GLIS3: variants seen among roughly 807,000 people sequenced by gnomAD.
GLIS3 encodes the protein zinc finger protein GLIS3.
In GLIS3, 53 loss-of-function variants were observed where a neutral mutation model predicts 78.6. The ratio of observed to expected loss-of-function variants is 0.67; its 90% CI spans 0.54 to 0.85. GLIS3 has a LOEUF of 0.85. Ranked by LOEUF, GLIS3 falls within the 40% of genes least tolerant of loss-of-function variation. The probability of loss-of-function intolerance (pLI) is 0.00; values close to 1 mark genes in which losing one functional copy is unlikely to be tolerated. For synonymous variants in GLIS3, 684 were observed against 509.9 expected, an observed-to-expected ratio of 1.34 and a Z score of -4.60; for missense variants, 1,703 against 1,231.1, an observed-to-expected ratio of 1.38 and a Z score of -5.74.
chr9:4,356,040 T>C, the GLIS3 span, among the ~76,000 whole-genome samples: 1 of 152,206 alleles, frequency 6.6e-6, no homozygotes, highest in Non-Finnish European at 1.5e-5. Flanking sequence ...TCAAAAAATA[T>C]ATTTTCCAGC....
chr9:4,168,166 TTCTC>T (rs1245291699), intron 2 of GLIS3, among the ~76,000 whole-genome samples: 1 of 151,908 alleles, frequency 6.6e-6, no homozygotes, highest in Admixed American at 6.6e-5. Flanking sequence ...CTTCTCTCTC[TTCTC>T]TCTCTCTTAC....
At chr9:3,964,357 A>C (rs1817774229) in intron 4 of GLIS3, among the ~76,000 whole-genome samples, 1 of 152,242 alleles carries the variant, frequency 6.6e-6, no homozygotes, top group African/African-American at 2.4e-5. Context: ...TGGGCGTACA[A>C]AACACACTTG....
intron 2 of GLIS3, among the ~76,000 whole-genome samples, chr9:4,239,032 GC>G (rs1823040150): frequency 6.6e-6 from 1 of 151,568 alleles, no homozygotes; most frequent in Non-Finnish European, 1.5e-5. Flanking sequence ...ATTTTTTATG[GC>G]TGCATAGTAT....
chr9:4,485,813 C>T, the GLIS3 span, among the ~76,000 whole-genome samples: 1 of 151,886 alleles, frequency 6.6e-6, no homozygotes, highest in Admixed American at 6.6e-5. Flanking sequence ...CTCCGCCTCC[C>T]CAGATTCAAG....
At chr9:4,182,122 G>A (rs183151138) in intron 2 of GLIS3, among the ~76,000 whole-genome samples, 2 of 152,056 alleles carry the variant, frequency 1.3e-5, no homozygotes, top group Non-Finnish European at 2.9e-5. Context: ...GAATAAAATG[G>A]TTCCTATAAG....
At chr9:3,948,741 C>T (rs1218664833) in intron 4 of GLIS3, among the ~76,000 whole-genome samples, 3 of 152,144 alleles carry the variant, frequency 2.0e-5, no homozygotes, top group African/African-American at 4.8e-5. Flanking sequence ...TGAATTTAAA[C>T]TACTGTTGTT....
intron 6 of GLIS3, 59 bp downstream of exon 6, chr9:3,932,301 T>TACTA: frequency 7.7e-7 from 1 of 1,304,418 alleles, no homozygotes. Flanking sequence ...AAGCTTCGTG[T>TACTA]ACTACAAGAA....
Position 4,264,349 on chromosome 9 carries a change from G to T in GLIS3, c.388+21689C>A, listed in dbSNP as rs1180324119. ...GTCCCAGCGACCATCTCTCTCCCCA[G>T]GGCTACTACAATAACCTAACTGGTT... is the stretch of plus-strand genomic sequence containing the variant. On this transcript the variant is annotated intron_variant, in intron 2 of 10. Coordinates refer to ENST00000381971, the MANE Select transcript of GLIS3 (RefSeq NM_001042413.2). Among the ~76,000 whole-genome samples the T allele has an allele frequency of 5.3e-5, 8 of 152,056 alleles. No individual in the cohort carries two copies. The East Asian group carries it at 1.5e-3, about 29-fold the overall frequency.
At chr9:4,125,343 T>G (rs1004368458) in intron 3 of GLIS3, among the ~76,000 whole-genome samples, 1 of 152,176 alleles carries the variant, frequency 6.6e-6, no homozygotes, top group Admixed American at 6.5e-5. Flanking sequence ...CTGGAAACTC[T>G]GCATCATATT....
intron 2 of GLIS3, among the ~76,000 whole-genome samples, chr9:4,277,488 C>G (rs1587274720): frequency 6.6e-6 from 1 of 152,228 alleles, no homozygotes; most frequent in East Asian, 1.9e-4. Flanking sequence ...CAGGTCTTTA[C>G]AAGAGACACC....
chr9:4,327,664 C>A (rs1016814814), intron 2 of GLIS3, among the ~76,000 whole-genome samples: 14 of 151,914 alleles, frequency 9.2e-5, no homozygotes, highest in African/African-American at 3.1e-4. Flanking sequence ...CCAGTCAGTG[C>A]CACCACATCA....
At chr9:4,091,802 C>T (rs1014718036) in intron 4 of GLIS3, among the ~76,000 whole-genome samples, 3 of 152,084 alleles carry the variant, frequency 2.0e-5, no homozygotes, top group East Asian at 1.9e-4. Flanking sequence ...TACCCAGTCT[C>T]GGGCAGTTCT....
intron 9 of GLIS3, among the ~76,000 whole-genome samples, chr9:3,838,526 C>T (rs1238987283): frequency 6.6e-6 from 1 of 152,158 alleles, no homozygotes; most frequent in Non-Finnish European, 1.5e-5. Context: ...CATGGGAAAG[C>T]AGATGACAAA....
At chr9:4,210,184 T>G (rs1206225382) in intron 2 of GLIS3, among the ~76,000 whole-genome samples, 1 of 152,228 alleles carries the variant, frequency 6.6e-6, no homozygotes, top group African/African-American at 2.4e-5. Flanking sequence ...ATTCCAGTAA[T>G]AGAAGCCCCA....
At chr9:3,905,955 G>T (rs1243146445) in intron 6 of GLIS3, among the ~76,000 whole-genome samples, 1 of 152,160 alleles carries the variant, frequency 6.6e-6, no homozygotes, top group Non-Finnish European at 1.5e-5. Flanking sequence ...GGTCAGGGAA[G>T]GCCTCTGTAG....
At chr9:4,373,166 C>G in the GLIS3 span, among the ~76,000 whole-genome samples, 7 of 152,150 alleles carry the variant, frequency 4.6e-5, no homozygotes, top group African/African-American at 1.7e-4. Flanking sequence ...ATGATGCTTA[C>G]TTATATAAAA....
chr9:4,430,860 C>G, the GLIS3 span, among the ~76,000 whole-genome samples: 1 of 150,810 alleles, frequency 6.6e-6, no homozygotes, highest in East Asian at 1.9e-4. Flanking sequence ...TCATGTTTAT[C>G]TCTGGGTTCA....
chr9:3,866,709 G>C (rs1402305703), intron 8 of GLIS3, among the ~76,000 whole-genome samples: 1 of 152,170 alleles, frequency 6.6e-6, no homozygotes, highest in Admixed American at 6.5e-5. Flanking sequence ...GACGATAGGT[G>C]AATTTAGCAG....
chr9:4,066,506 C>T (rs752671105), intron 4 of GLIS3, among the ~76,000 whole-genome samples: 1 of 152,230 alleles, frequency 6.6e-6, no homozygotes, highest in Non-Finnish European at 1.5e-5. Flanking sequence ...AACCCCACTT[C>T]TCTCCCTACT....
Sources: allele counts gnomAD v4.1 joint callset (sites outside exome capture counted in the v4.1 genomes callset), GRCh38; gene constraint gnomAD v4.1.1; transcripts MANE v1.5; gene names NCBI Gene and HGNC (gene_info 2026-07-23, HGNC 2026-07-21).